EIF2A: variants seen among roughly 807,000 people sequenced by gnomAD.
EIF2A encodes 65 kDa eukaryotic translation initiation factor 2A.
Under a neutral mutation model 75.2 loss-of-function variants are expected in EIF2A, and 62 were observed. The observed-to-expected ratio is 0.82, with a 90% confidence interval of 0.67 to 1.02. The LOEUF (loss-of-function observed/expected upper bound fraction) is 1.02. EIF2A is among the 50% of genes least tolerant of loss of function. EIF2A has a pLI of 0.00. For synonymous variants in EIF2A, 207 were observed against 239.0 expected (o/e 0.87, Z 1.23); for missense variants, 611 against 677.7 (o/e 0.90, Z 1.09).
Position 150,572,607 on chromosome 3 carries a change from C to G in EIF2A, c.1383+78C>G. The G allele has an allele frequency of 2.1e-6, 3 of 1,398,896 alleles. No individual in the cohort carries two copies. The African/African-American group carries it at 4.3e-5, about 20-fold the overall frequency. The allele number at this position is 1,398,896 out of a possible 1,614,324, so 86.7% of individuals were successfully genotyped here. A position where few individuals can be genotyped will look rare whatever the true frequency, so the allele number is the denominator to read the frequency against. On this transcript the variant is annotated intron_variant, in intron 10 of 13. Coordinates refer to ENST00000460851, the MANE Select transcript of EIF2A (RefSeq NM_032025.5). Reference sequence around the variant, plus strand: ...TGGTGGTTCACATCCGTAATCCCAGCACTTCGGGAGGCCGAGGCGGGAGGA... The same window carrying G: ...TGGTGGTTCACATCCGTAATCCCAGGACTTCGGGAGGCCGAGGCGGGAGGA...
At chr3:150,558,605 CAAAAT>C (rs1199880834) in intron 3 of EIF2A, 143 bp downstream of exon 3, 9 of 579,226 alleles carry the variant, frequency 1.6e-5, no homozygotes, top group Non-Finnish European at 2.4e-5. Flanking sequence ...TCTCGTTACA[CAAAAT>C]ACCTTCAAAG....
At position 150,558,414 on chromosome 3, in the gene EIF2A, G is replaced by A. The variant is rs755762502; in HGVS notation, c.125G>A (p.Cys42Tyr). Residue 42 changes from cysteine to tyrosine, a missense_variant, in exon 3 of 14, where the codon TGT becomes TAT. Physicochemically the swap from Cys to Tyr is radical, Grantham distance 194. Coordinates refer to ENST00000460851, the MANE Select transcript of EIF2A (RefSeq NM_032025.5). Reference sequence around the variant, plus strand: ...GAATCTGGGAAGAATTGCAAAGTCTGTATCTTTAGTAAGGATGGGACCTTG... The same window carrying A: ...GAATCTGGGAAGAATTGCAAAGTCTATATCTTTAGTAAGGATGGGACCTTG... ...PRESGKNCKV[C>Y]IFSKDGTLFA... 8 of 1,525,556 alleles carry A rather than the reference G, an allele frequency of 5.2e-6. No homozygotes were observed. The African/African-American group carries it at 8.6e-5, about 16-fold the overall frequency. The allele number at this position is 1,525,556 out of a possible 1,614,324, so 94.5% of individuals were successfully genotyped here.
At chr3:150,547,192 A>G (rs1723081042) in intron 1 of EIF2A, 4 of 283,372 alleles carry the variant, frequency 1.4e-5, no homozygotes, top group South Asian at 1.2e-4. Context: ...AATAAGAACA[A>G]AGACAAACAT....
chr3:150,567,809 C>T lies in EIF2A; in HGVS notation c.549+43C>T, dbSNP rs768111338. On this transcript the variant is annotated intron_variant, in intron 7 of 13. Transcript: ENST00000460851. The stretch of plus-strand genomic sequence containing the variant: ...TTATGTGTAATATTATGTGTTTAAA[C>T]CTTTTCCTAGTTTTTTGTGATTGTA... The T allele has an allele frequency of 3.8e-6, 6 of 1,567,202 alleles. No individual in the cohort carries two copies. In the East Asian group the frequency reaches 6.8e-5, roughly 18 times the overall value.
chr3:150,580,423 G>T (rs750085991), intron 11 of EIF2A, among the ~76,000 whole-genome samples: 6 of 152,150 alleles, frequency 3.9e-5, no homozygotes, highest in Admixed American at 2.6e-4. Context: ...TGTGAATATG[G>T]TCTCTCAAAA....
intron 10 of EIF2A, among the ~76,000 whole-genome samples, chr3:150,575,114 T>C (rs978804483): frequency 2.0e-5 from 3 of 152,254 alleles, no homozygotes; most frequent in South Asian, 2.1e-4. Flanking sequence ...TCTCTTCATA[T>C]GTCAATCCCA....
intron 10 of EIF2A, among the ~76,000 whole-genome samples, chr3:150,573,246 A>G (rs1724649796): frequency 6.6e-6 from 1 of 152,126 alleles, no homozygotes; most frequent in Admixed American, 6.5e-5. Flanking sequence ...GAAATTAGGT[A>G]AGAACTTAAA....
rs183509855 is a variant in EIF2A at position 150,580,020 on chromosome 3, C to A, written c.1498-1598C>A. 3.0e-3 allele frequency among the ~76,000 whole-genome samples: 462 copies of A among 152,122 alleles called. 7 individuals carry two copies. Among genetic ancestry groups the A allele is most frequent in the African/African-American group, 0.01 (431 of 41,508 alleles). ...TCATAATTATAAAGGAAGAGTCATT[C>A]CTTTATTTTTTATTTATTTAGCCTG... On this transcript the variant is annotated intron_variant, in intron 11 of 13. Transcript: ENST00000460851.
intron 2 of EIF2A, chr3:150,552,641 G>A: frequency 2.5e-6 from 1 of 396,372 alleles, no homozygotes; most frequent in Non-Finnish European, 4.5e-6. Context: ...ATAAGGTAGG[G>A]GGAACAATAC....
At chr3:150,557,010 A>G (rs186550699) in intron 2 of EIF2A, among the ~76,000 whole-genome samples, 8 of 152,338 alleles carry the variant, frequency 5.3e-5, no homozygotes, top group Admixed American at 3.9e-4. Flanking sequence ...GGGTTGCATG[A>G]TGATGACAGA....
chr3:150,565,035 C>T, intron 6 of EIF2A: 1 of 340,008 alleles, frequency 2.9e-6, no homozygotes, highest in South Asian at 2.5e-5. Flanking sequence ...TTCTTTTGGT[C>T]CTATAAGTTC....
intron 4 of EIF2A, chr3:150,562,879 C>A: frequency 6.5e-6 from 2 of 308,340 alleles, no homozygotes; most frequent in Non-Finnish European, 6.0e-6. Flanking sequence ...ATGTAAAGAG[C>A]CATTATGAGC....
At chr3:150,564,254 C>A in intron 5 of EIF2A, 45 bp from the exon 6 acceptor site, 1 of 1,404,338 alleles carries the variant, frequency 7.1e-7, no homozygotes, top group Non-Finnish European at 9.5e-7. Context: ...ATGTTACATT[C>A]TGTCTGAATA....
intron 3 of EIF2A, among the ~76,000 whole-genome samples, chr3:150,559,525 G>C (rs554171464): frequency 8.6e-6 from 1 of 116,542 alleles, no homozygotes; most frequent in Non-Finnish European, 1.7e-5. Flanking sequence ...TTTTGAGACA[G>C]GGTCTCACTC....
chr3:150,555,271 T>C (rs1390411927), intron 2 of EIF2A, among the ~76,000 whole-genome samples: 1 of 151,184 alleles, frequency 6.6e-6, no homozygotes, highest in African/African-American at 2.4e-5. Context: ...ATTTATTTTT[T>C]TTGAGATGGA....
chr3:150,577,746 G>C (rs753587362), intron 11 of EIF2A, among the ~76,000 whole-genome samples: 9 of 151,892 alleles, frequency 5.9e-5, no homozygotes, highest in Non-Finnish European at 1.0e-4. Context: ...TTTAACAGCT[G>C]GTTGCTATAT....
At position 150,583,995 on chromosome 3, in the gene EIF2A, T is replaced by G; in HGVS notation, c.*84T>G. ...CCCATTGGTATACACAGAATATTCC[T>G]GTGCCCACACTTAATGTCAATCTAT... On this transcript the variant is annotated 3_prime_UTR_variant, in exon 14 of 14. Coordinates refer to ENST00000460851, the MANE Select transcript of EIF2A (RefSeq NM_032025.5). 7.8e-7 allele frequency: 1 copy of G among 1,276,284 alleles called. No individual in the cohort carries two copies. The highest frequency in any genetic ancestry group is 1.1e-6 in the Non-Finnish European group (1 of 898,350). The allele number at this position is 1,276,284 out of a possible 1,614,324, so 79.1% of individuals were successfully genotyped here.
intron 1 of EIF2A, among the ~76,000 whole-genome samples, chr3:150,550,126 G>A (rs571572280): frequency 1.4e-5 from 1 of 70,860 alleles, no homozygotes; most frequent in Non-Finnish European, 3.5e-5. Flanking sequence ...TGAAACTGGC[G>A]TTTATTTGTT....
Position 150,563,562 on chromosome 3 carries a change from G to A in EIF2A, c.340G>A (p.Val114Met). The stretch of plus-strand genomic sequence containing the variant: ...GATACCCAACCTACAACTTTATGAT[G>A]TGAAAACTGGGACATGTTTGAAATC... ...AGIPNLQLYD[V>M]KTGTCLKSFI... The change falls in exon 5 of 14, where the codon GTG becomes ATG. Residue 114 changes from valine to methionine, a missense_variant. Transcript: ENST00000460851. 1 of 1,543,640 alleles carries A rather than the reference G, an allele frequency of 6.5e-7. No individual in the cohort carries two copies. The highest frequency in any genetic ancestry group is 8.7e-7 in the Non-Finnish European group (1 of 1,145,628).
Sources: gnomAD v4.1 joint callset for allele counts (sites outside exome capture counted in the v4.1 genomes callset) on GRCh38, gnomAD v4.1.1 for gene constraint, MANE v1.5 for transcripts, NCBI Gene and HGNC (gene_info 2026-07-23, HGNC 2026-07-21) for gene names.